PPP1R9A: variants seen among roughly 807,000 people sequenced by gnomAD.
The protein encoded by PPP1R9A is protein phosphatase 1 regulatory subunit 9A.
Under a neutral mutation model 141.9 loss-of-function variants are expected in PPP1R9A, and 59 were observed. The ratio of observed to expected loss-of-function variants is 0.42; its 90% CI spans 0.34 to 0.52. The LOEUF is 0.52. PPP1R9A is among the 20% of genes least tolerant of loss of function. The pLI, the probability that PPP1R9A is intolerant of heterozygous loss-of-function variation, is 0.10. For missense variants in PPP1R9A, 1,444 were observed against 1,611.9 expected, an observed-to-expected ratio of 0.90 and a Z score of 1.78; for synonymous variants, 500 against 569.7, an observed-to-expected ratio of 0.88 and a Z score of 1.74.
At chr7:95,175,604 A>G (rs1832784032) in intron 5 of PPP1R9A, among the ~76,000 whole-genome samples, 1 of 152,032 alleles carries the variant, frequency 6.6e-6, no homozygotes, top group African/African-American at 2.4e-5. Context: ...CAATCATTCT[A>G]GTACTGTCAG....
chr7:94,932,682 A>T (rs1794299017), intron 2 of PPP1R9A, among the ~76,000 whole-genome samples: 1 of 152,160 alleles, frequency 6.6e-6, no homozygotes, highest in Admixed American at 6.5e-5. Context: ...CTGCTCTACC[A>T]ATAATAAGTA....
At chr7:95,073,976 G>C (rs934916153) in intron 2 of PPP1R9A, among the ~76,000 whole-genome samples, 1 of 152,186 alleles carries the variant, frequency 6.6e-6, no homozygotes, top group Non-Finnish European at 1.5e-5. Flanking sequence ...TATGTTGTAA[G>C]AATGATGAAT....
At position 95,083,356 on chromosome 7, in the gene PPP1R9A, G is replaced by A. The variant is rs565696054; in HGVS notation, c.1396-27903G>A. ...ATTCCTTGCCCCCGGTATAGGGCAA[G>A]ACACCTGTCACATTACATTCTTCAA... On this transcript the variant is annotated intron_variant, in intron 2 of 19. Transcript: ENST00000433360. Among the ~76,000 whole-genome samples, 33 of 151,366 alleles carry A rather than the reference G, an allele frequency of 2.2e-4. 2 individuals carry two copies. Among genetic ancestry groups the A allele is most frequent in the Admixed American group, 6.6e-4 (10 of 15,266 alleles).
intron 2 of PPP1R9A, among the ~76,000 whole-genome samples, chr7:95,012,518 A>G (rs1035024704): frequency 1.3e-5 from 2 of 151,878 alleles, no homozygotes; most frequent in Admixed American, 1.3e-4. Flanking sequence ...TCAAACCTGT[A>G]CTCTGTTGTC....
intron 2 of PPP1R9A, among the ~76,000 whole-genome samples, chr7:94,922,100 ATAT>A (rs1418429402): frequency 4.0e-5 from 6 of 149,050 alleles, no homozygotes; most frequent in African/African-American, 7.3e-5. Flanking sequence ...TTAATTTATA[ATAT>A]TATTTATAAT....
chr7:95,011,444 T>G (rs909606397), intron 2 of PPP1R9A, among the ~76,000 whole-genome samples: 2 of 152,196 alleles, frequency 1.3e-5, no homozygotes, highest in Non-Finnish European at 2.9e-5. Context: ...AGTTAAAACC[T>G]AAGATAATGT....
chr7:95,042,582 G>T (rs1305060024), intron 2 of PPP1R9A, among the ~76,000 whole-genome samples: 2 of 152,056 alleles, frequency 1.3e-5, no homozygotes, highest in Non-Finnish European at 2.9e-5. Flanking sequence ...ACACATTTAG[G>T]CTGTTGATAG....
At position 95,291,050 on chromosome 7, in the gene PPP1R9A, A is replaced by G. The variant is rs1222958838; in HGVS notation, c.*747A>G. The G allele has an allele frequency of 6.6e-6, 1 of 152,224 alleles. No homozygotes were observed. Among genetic ancestry groups the G allele is most frequent in the Non-Finnish European group, 1.5e-5 (1 of 68,064 alleles). The allele number at this position is 152,224 out of a possible 1,614,324, so 9.4% of individuals were successfully genotyped here. A position where few individuals can be genotyped will look rare whatever the true frequency, so the allele number is the denominator to read the frequency against. On this transcript the variant is annotated 3_prime_UTR_variant, in exon 20 of 20. Coordinates refer to ENST00000433360, the MANE Select transcript of PPP1R9A (RefSeq NM_001166160.2). Reference sequence around the variant, plus strand: ...TATCCTCTAGATACGGCTGAACAAGAAAGAAAAAAATCAGACATTAATGCA... The same window carrying G: ...TATCCTCTAGATACGGCTGAACAAGGAAGAAAAAAATCAGACATTAATGCA...
intron 8 of PPP1R9A, among the ~76,000 whole-genome samples, chr7:95,240,440 T>C (rs1563481952): frequency 1.3e-5 from 2 of 152,148 alleles, no homozygotes; most frequent in African/African-American, 4.8e-5. Context: ...AATACTGTCA[T>C]CAGTATCTAT....
In PPP1R9A at chr7:94,977,566, C is replaced by G. The variant is rs188348706; in HGVS notation, c.1395+66058C>G. On this transcript the variant is annotated intron_variant, in intron 2 of 19. Coordinates refer to ENST00000433360, the MANE Select transcript of PPP1R9A (RefSeq NM_001166160.2). ...GACAAAAGCTTGAATGGGGTGAGTT[C>G]AGGAGAGAATTTAGAGGAGATAATT... Among the ~76,000 whole-genome samples, 11 of 151,950 alleles carry G rather than the reference C, an allele frequency of 7.2e-5. No homozygotes were observed. The East Asian group carries it at 2.1e-3, about 29-fold the overall frequency.
At chr7:95,289,243 G>A (rs1045783357) in intron 19 of PPP1R9A, among the ~76,000 whole-genome samples, 14 of 152,082 alleles carry the variant, frequency 9.2e-5, no homozygotes, top group African/African-American at 3.4e-4. Context: ...CTCTCTTAGA[G>A]ACCAAGGTGG....
At chr7:95,048,170 G>A (rs994665578) in intron 2 of PPP1R9A, among the ~76,000 whole-genome samples, 1 of 152,054 alleles carries the variant, frequency 6.6e-6, no homozygotes, top group Non-Finnish European at 1.5e-5. Flanking sequence ...TTTATTTCTT[G>A]TTCACTAGGA....
chr7:95,218,772 C>G (rs1250388276), intron 7 of PPP1R9A, among the ~76,000 whole-genome samples: 1 of 152,162 alleles, frequency 6.6e-6, no homozygotes, highest in African/African-American at 2.4e-5. Flanking sequence ...TCTGTTTTAT[C>G]AGAGACTAGG....
intron 4 of PPP1R9A, among the ~76,000 whole-genome samples, chr7:95,142,000 A>T (rs1826785727): frequency 6.6e-6 from 1 of 152,090 alleles, no homozygotes; most frequent in South Asian, 2.1e-4. Context: ...GCAATGTATG[A>T]GGGTTCCAAT....
chr7:95,210,444 T>TG (rs1488059137), intron 7 of PPP1R9A, among the ~76,000 whole-genome samples: 2 of 152,038 alleles, frequency 1.3e-5, no homozygotes, highest in African/African-American at 4.8e-5. Context: ...CAAGCAGCTG[T>TG]GGCAATGAAG....
At chr7:94,912,480 C>T (rs1467766851) in intron 2 of PPP1R9A, among the ~76,000 whole-genome samples, 1 of 152,136 alleles carries the variant, frequency 6.6e-6, no homozygotes, top group East Asian at 1.9e-4. Context: ...TTTTAGACCA[C>T]ATTCTAGGGG....
At chr7:94,952,037 C>T (rs769060402) in intron 2 of PPP1R9A, among the ~76,000 whole-genome samples, 3 of 151,812 alleles carry the variant, frequency 2.0e-5, no homozygotes, top group Admixed American at 1.3e-4. Flanking sequence ...ATACATGTGC[C>T]GTGGTGGTTT....
intron 2 of PPP1R9A, among the ~76,000 whole-genome samples, chr7:94,983,527 C>T (rs765012651): frequency 6.6e-6 from 1 of 152,022 alleles, no homozygotes; most frequent in Middle Eastern, 3.2e-3. Context: ...TTGTAGTTCT[C>T]CTTGAAGAGG....
At position 94,948,439 on chromosome 7, in the gene PPP1R9A, T is replaced by A. The variant is rs773844704; in HGVS notation, c.1395+36931T>A. ...TAGCAGCTGGAGGTTTCTATTTGGG[T>A]ATCCTCTAAGTAGCTAGTGGTCATA... On this transcript the variant is annotated intron_variant, in intron 2 of 19. Transcript: ENST00000433360. 2.3e-4 allele frequency among the ~76,000 whole-genome samples: 35 copies of A among 152,098 alleles called. 1 individual carries two copies. The highest frequency in any genetic ancestry group is 3.9e-4 in the Admixed American group (6 of 15,254).
Sources: gnomAD v4.1 joint callset for allele counts (sites outside exome capture counted in the v4.1 genomes callset) on GRCh38, gnomAD v4.1.1 for gene constraint, MANE v1.5 for transcripts, NCBI Gene and HGNC (gene_info 2026-07-23, HGNC 2026-07-21) for gene names.